The following PLEKHA3 variants were observed in gnomAD, a reference collection of about 807,000 sequenced individuals.
PLEKHA3 encodes pleckstrin homology domain containing A3, also known as pleckstrin homology domain-containing family A member 3.
A neutral mutation model predicts 39.2 loss-of-function variants in PLEKHA3; 19 were observed. That is an observed-to-expected ratio of 0.48 (90% CI 0.34 to 0.71). The LOEUF is 0.71. PLEKHA3 is among the 30% of genes least tolerant of loss of function. The pLI is 0.01. For synonymous variants in PLEKHA3, 97 were observed against 118.6 expected (o/e 0.82, Z 1.18); for missense variants, 253 against 359.5 (o/e 0.70, Z 2.40).
chr2:178,482,411 C>T (rs1685181721), intron 1 of PLEKHA3, among the ~76,000 whole-genome samples: 1 of 151,932 alleles, frequency 6.6e-6, no homozygotes, highest in Admixed American at 6.6e-5. Flanking sequence ...TGGTAGTGCA[C>T]ACCTGTAGTC....
At chr2:178,488,617 T>C (rs1478765660) in intron 2 of PLEKHA3, among the ~76,000 whole-genome samples, 1 of 152,244 alleles carries the variant, frequency 6.6e-6, no homozygotes, top group Admixed American at 6.5e-5. Flanking sequence ...TTACATTGTG[T>C]TAATTTCTTT....
intron 2 of PLEKHA3, among the ~76,000 whole-genome samples, chr2:178,486,089 G>T (rs544668992): frequency 6.6e-6 from 1 of 152,186 alleles, no homozygotes; most frequent in African/African-American, 2.4e-5. Context: ...TTAATAGAAA[G>T]ATATTGTAAA....
At chr2:178,496,761 C>A (rs1685455402) in intron 5 of PLEKHA3, among the ~76,000 whole-genome samples, 1 of 152,050 alleles carries the variant, frequency 6.6e-6, no homozygotes, top group East Asian at 1.9e-4. Flanking sequence ...GTTACCCAGG[C>A]TGGAGTGCAG....
chr2:178,510,163 C>T lies in PLEKHA3; in HGVS notation c.*6276C>T, dbSNP rs891726771. ...GTGTCGGGATTACAGATGTGAGCCA[C>T]CGTGCCCAGCCGACCCTGCATTTAA... On this transcript the variant is annotated 3_prime_UTR_variant, in exon 8 of 8. Coordinates refer to ENST00000234453, the MANE Select transcript of PLEKHA3 (RefSeq NM_019091.4). The T allele has an allele frequency of 2.6e-4, 39 of 152,180 alleles. 1 individual carries two copies. 9.4% of individuals were successfully genotyped at this position (152,180 alleles called of 1,614,324 possible).
In PLEKHA3 at chr2:178,493,866, C is replaced by G. The variant is rs751037812; in HGVS notation, c.327C>G (p.Thr109=). 1 of 1,612,816 alleles carries G rather than the reference C, an allele frequency of 6.2e-7. No individual in the cohort carries two copies. The part of the protein sequence containing the change: ...RTKKEKEISE[T]SESLKTKMSE... Reference sequence around the variant, plus strand: ...TATTCTTTTCAGAAATAAGTGAAACCAGTGAATCGCTGAAAACCAAAATGT... The same window carrying G: ...TATTCTTTTCAGAAATAAGTGAAACGAGTGAATCGCTGAAAACCAAAATGT... Residue 109 remains threonine (T), a synonymous_variant, in exon 4 of 8, where the codon ACC becomes ACG. Transcript: ENST00000234453.
chr2:178,492,059 G>A (rs919907739), intron 3 of PLEKHA3, among the ~76,000 whole-genome samples: 1 of 152,020 alleles, frequency 6.6e-6, no homozygotes, highest in African/African-American at 2.4e-5. Flanking sequence ...AGTTTTGCTG[G>A]AAACAAACGA....
chr2:178,484,450 G>T (rs1320464663), intron 1 of PLEKHA3, among the ~76,000 whole-genome samples: 1 of 152,142 alleles, frequency 6.6e-6, no homozygotes, highest in Non-Finnish European at 1.5e-5. Context: ...ATGACTCAGT[G>T]TTGTCATTTC....
Position 178,516,233 on chromosome 2 carries a change from A to G in PLEKHA3, c.*12346A>G, listed in dbSNP as rs1014112010. The G allele has an allele frequency of 6.6e-6, 1 of 152,156 alleles. No individual in the cohort carries two copies. Among genetic ancestry groups the G allele is most frequent in the Non-Finnish European group, 1.5e-5 (1 of 67,994 alleles). The allele number at this position is 152,156 out of a possible 1,614,324, so 9.4% of individuals were successfully genotyped here. Reference sequence around the variant, plus strand: ...CTTAGAAACCTAATAGCAAATACAGATTTTGATTGCTATAACTAAACACTT... The same window carrying G: ...CTTAGAAACCTAATAGCAAATACAGGTTTTGATTGCTATAACTAAACACTT... On this transcript the variant is annotated 3_prime_UTR_variant, in exon 8 of 8. Coordinates refer to ENST00000234453, the MANE Select transcript of PLEKHA3 (RefSeq NM_019091.4).
intron 2 of PLEKHA3, 143 bp from the exon 3 acceptor site, chr2:178,490,516 G>A: frequency 1.3e-6 from 1 of 778,442 alleles, no homozygotes; most frequent in South Asian, 2.5e-5. Flanking sequence ...GGCCCCTCAG[G>A]GAGCAGCACT....
chr2:178,497,654 G>T (rs1342653964), intron 5 of PLEKHA3, among the ~76,000 whole-genome samples: 1 of 152,184 alleles, frequency 6.6e-6, no homozygotes, highest in Non-Finnish European at 1.5e-5. Flanking sequence ...TAACAAGTAT[G>T]TGTGAACAAA....
At chr2:178,491,972 C>T (rs991296570) in intron 3 of PLEKHA3, among the ~76,000 whole-genome samples, 3 of 152,200 alleles carry the variant, frequency 2.0e-5, no homozygotes, top group Non-Finnish European at 2.9e-5. Flanking sequence ...AACTCACTCA[C>T]TCCTTTGACG....
chr2:178,510,762 C>T lies in PLEKHA3; in HGVS notation c.*6875C>T, dbSNP rs1287012111. ...TTATGGTAAATTCCCATCACTGTAT[C>T]CATAACCTCTTGTAAATAGTTGTAC... On this transcript the variant is annotated 3_prime_UTR_variant, in exon 8 of 8. Transcript: ENST00000234453. The T allele has an allele frequency of 6.5e-6, 1 of 152,838 alleles. No homozygotes were observed. The highest frequency in any genetic ancestry group is 1.5e-5 in the Non-Finnish European group (1 of 68,042). 9.5% of individuals were successfully genotyped at this position (152,838 alleles called of 1,614,324 possible).
In PLEKHA3 at chr2:178,485,713, A is replaced by C. The variant is rs1414815457; in HGVS notation, c.113A>C (p.Lys38Thr). 1 of 1,613,894 alleles carries C rather than the reference A, an allele frequency of 6.2e-7. No individual in the cohort carries two copies. Among genetic ancestry groups the C allele is most frequent in the African/African-American group, 1.3e-5 (1 of 75,040 alleles). ...SYYDSQDDVCKGSKGSIKMAV... is the reference protein window; with the variant it reads ...SYYDSQDDVCTGSKGSIKMAV... ...TATGATTCACAAGATGATGTTTGCA[A>C]AGGGAGCAAAGGAAGCATAAAGATG... is the stretch of plus-strand genomic sequence containing the variant. The change falls in exon 2 of 8, where the codon AAA (lysine) becomes ACA (threonine). Residue 38 changes from lysine (K) to threonine (T), a missense_variant. Transcript: ENST00000234453.
chr2:178,500,702 A>T (rs765359261), intron 6 of PLEKHA3, among the ~76,000 whole-genome samples: 40 of 151,934 alleles, frequency 2.6e-4, no homozygotes, highest in Non-Finnish European at 4.7e-4. Flanking sequence ...GCTGGTTTTG[A>T]TCAGATATGG....
chr2:178,510,066 G>C lies in PLEKHA3; in HGVS notation c.*6179G>C, dbSNP rs1420139907. On this transcript the variant is annotated 3_prime_UTR_variant, in exon 8 of 8. Transcript: ENST00000234453. ...ATTTTTGTATTTTTAATAGAGATGG[G>C]GTTTCATCATATTAGTCAGGCTGGT... 1 of 152,074 alleles carries C rather than the reference G, an allele frequency of 6.6e-6. No homozygotes were observed. The highest frequency in any genetic ancestry group is 6.6e-5 in the Admixed American group (1 of 15,254). The allele number at this position is 152,074 out of a possible 1,614,324, so 9.4% of individuals were successfully genotyped here.
Position 178,487,421 on chromosome 2 carries a change from C to T in PLEKHA3, c.157+1664C>T, listed in dbSNP as rs201487129. ...AAGAAGAGAATCTTTTTCTTTTTTT[C>T]TTTTTTTTCTTTTCTTTTCTTTTTT... On this transcript the variant is annotated intron_variant, in intron 2 of 7. Coordinates refer to ENST00000234453, the MANE Select transcript of PLEKHA3 (RefSeq NM_019091.4). 9.1e-5 allele frequency among the ~76,000 whole-genome samples: 10 copies of T among 110,198 alleles called. No homozygotes were observed. In the South Asian group the frequency reaches 4.0e-3, roughly 44 times the overall value. The allele number at this position is 110,198 out of a possible 152,430, so 72.3% of individuals were successfully genotyped here.
chr2:178,481,045 T>A (rs1316021472), intron 1 of PLEKHA3, 136 bp downstream of exon 1: 8 of 770,946 alleles, frequency 1.0e-5, no homozygotes, highest in Non-Finnish European at 1.5e-5. Flanking sequence ...CAGGGCTTGT[T>A]GAGTCCTTCT....
At chr2:178,495,407 T>G in intron 4 of PLEKHA3, 89 bp from the exon 5 acceptor site, 3 of 1,228,502 alleles carry the variant, frequency 2.4e-6, no homozygotes, top group Non-Finnish European at 3.5e-6. Context: ...ATGTGTCTGT[T>G]GGAGATGTCT....
rs1350249223 is a variant in PLEKHA3, at chr2:178,508,086, T to TGA, written c.*4200_*4201insAG. The TGA allele has an allele frequency of 6.6e-6, 1 of 150,532 alleles. No homozygotes were observed. The highest frequency in any genetic ancestry group is 1.5e-5 in the Non-Finnish European group (1 of 67,162). 9.3% of individuals were successfully genotyped at this position (150,532 alleles called of 1,614,324 possible). ...GTGTGTGTGTGTGTGTGTGTGTGTGTGTGATCTTTTTGACAGTTTTCTCTC... is the reference window on the plus strand; with the variant it reads ...GTGTGTGTGTGTGTGTGTGTGTGTGTGAGTGATCTTTTTGACAGTTTTCTCTC... On this transcript the variant is annotated 3_prime_UTR_variant, in exon 8 of 8. Coordinates refer to ENST00000234453, the MANE Select transcript of PLEKHA3 (RefSeq NM_019091.4).
Sources: gnomAD v4.1 joint callset for allele counts (sites outside exome capture counted in the v4.1 genomes callset) on GRCh38, gnomAD v4.1.1 for gene constraint, MANE v1.5 for transcripts, NCBI Gene and HGNC (gene_info 2026-07-23, HGNC 2026-07-21) for gene names.